The following SMC2 variants were observed in gnomAD, a reference collection of about 807,000 sequenced individuals.
SMC2 encodes structural maintenance of chromosomes 2, also known as structural maintenance of chromosomes protein 2.
SMC2 carries 41 observed loss-of-function variants against 142.6 expected under a neutral mutation model. That is an observed-to-expected ratio of 0.29 (90% CI 0.22 to 0.37). SMC2 has a LOEUF of 0.37. SMC2 is among the 10% of genes least tolerant of loss of function. SMC2 has a pLI of 1.00. For synonymous variants in SMC2, 463 were observed against 457.5 expected (o/e 1.01, Z -0.15); for missense variants, 1,265 against 1,373.7 (o/e 0.92, Z 1.25).
intron 3 of SMC2, 44 bp downstream of exon 3, chr9:104,096,341 T>C (rs371252920): frequency 5.0e-5 from 80 of 1,590,468 alleles, no homozygotes; most frequent in Middle Eastern, 3.4e-4. Context: ...ACCTTTTATG[T>C]CTGATGTGGT....
At chr9:104,129,597 G>T in intron 20 of SMC2, 48 bp from the exon 21 acceptor site, 1 of 1,403,634 alleles carries the variant, frequency 7.1e-7, no homozygotes, top group Non-Finnish European at 1.0e-6. Context: ...TATACATATT[G>T]GTTTGTAAAC....
In SMC2 at chr9:104,126,652, T is replaced by C. The variant is rs1225507746; in HGVS notation, c.2463T>C (p.Ala821=). The change falls in exon 19 of 25, where the codon GCT becomes GCC. Residue 821 remains alanine (A), a synonymous_variant. Transcript: ENST00000374793. ...KMKEKQQEVE[A]ITLELEELKR... ...TGTATTTTTTATAGGAAGTTGAAGC[T>C]ATCACTCTGGAACTGGAAGAGCTCA... 8.7e-6 allele frequency: 14 copies of C among 1,606,724 alleles called. No individual in the cohort carries two copies. The highest frequency in any genetic ancestry group is 1.2e-5 in the Non-Finnish European group (14 of 1,178,372).
At chr9:104,097,267 T>C (rs1384050877) in intron 3 of SMC2, among the ~76,000 whole-genome samples, 1 of 151,556 alleles carries the variant, frequency 6.6e-6, no homozygotes, top group Non-Finnish European at 1.5e-5. Flanking sequence ...CGGCTAATTT[T>C]TTTTTGTTTT....
At position 104,114,036 on chromosome 9, in the gene SMC2, A is replaced by G. The variant is rs751981726; in HGVS notation, c.1487A>G (p.Tyr496Cys). The change falls in exon 12 of 25, where the codon TAT becomes TGT. Residue 496 changes from tyrosine to cysteine, a missense_variant. Tyr to Cys is a radical substitution (Grantham distance 194). Around this residue, in one of 4 missense-constraint regions of SMC2, gnomAD observed 898 missense variants for 904.2 expected, o/e 0.99. Transcript: ENST00000374793. ...SRDIGRLKET[Y>C]EALLARFPNL... ...GATATTGGTAGATTGAAAGAAACAT[A>G]TGAAGCTCTATTAGCCAGATTTCCC... 18 of 1,600,680 alleles carry G rather than the reference A, an allele frequency of 1.1e-5. No individual in the cohort carries two copies. Among genetic ancestry groups the G allele is most frequent in the Admixed American group, 3.6e-5 (2 of 56,082 alleles).
At chr9:104,134,345 A>G in intron 22 of SMC2, 70 bp from the exon 23 acceptor site, 1 of 1,182,738 alleles carries the variant, frequency 8.5e-7, no homozygotes, top group East Asian at 2.4e-5. Flanking sequence ...TGTTGCATAT[A>G]CATATATCAA....
chr9:104,099,038 C>T (rs747329963), intron 4 of SMC2, among the ~76,000 whole-genome samples: 1 of 152,078 alleles, frequency 6.6e-6, no homozygotes, highest in Non-Finnish European at 1.5e-5. Context: ...ATGGGAGCAT[C>T]TCAGTGGGAC....
chr9:104,120,171 T>G lies in SMC2; in HGVS notation c.2132+9T>G. 1 of 1,571,264 alleles carries G rather than the reference T, an allele frequency of 6.4e-7. No homozygotes were observed. The highest frequency in any genetic ancestry group is 8.6e-7 in the Non-Finnish European group (1 of 1,165,950). ...AAAAACACTGCTGAAAAGTAAGAAC[T>G]GCATATACTTTTTTTAATTAAAGAT... On this transcript the variant is annotated intron_variant, in intron 16 of 24. Coordinates refer to ENST00000374793, the MANE Select transcript of SMC2 (RefSeq NM_006444.3).
intron 21 of SMC2, among the ~76,000 whole-genome samples, chr9:104,130,129 T>C (rs77875937): frequency 0.014 from 2,193 of 152,316 alleles, 52 homozygotes; most frequent in African/African-American, 0.05. Context: ...TTCACTTGCA[T>C]TGAAAAGCCT....
chr9:104,115,625 T>C, intron 13 of SMC2, among the ~76,000 whole-genome samples: 1 of 152,084 alleles, frequency 6.6e-6, no homozygotes, highest in East Asian at 1.9e-4. Context: ...GATGTTTTGA[T>C]ACATATACAT....
Position 104,113,332 on chromosome 9 carries a change from A to T in SMC2, c.1271A>T (p.Lys424Met). The T allele has an allele frequency of 6.2e-7, 1 of 1,606,328 alleles. No homozygotes were observed. Among genetic ancestry groups the T allele is most frequent in the Non-Finnish European group, 8.5e-7 (1 of 1,176,834 alleles). The change falls in exon 11 of 25, where the codon AAG (lysine) becomes ATG (methionine). Residue 424 changes from lysine (K) to methionine (M), a missense_variant. Physicochemically the swap from Lys to Met is moderately conservative, Grantham distance 95. Around this residue, in one of 4 missense-constraint regions of SMC2, gnomAD observed 898 missense variants for 904.2 expected, o/e 0.99. Transcript: ENST00000374793. ...CTGCCACAGGCTCAGATGAAGTTGA[A>T]GCATGCTCAACAGGAATTAAAGAAT... is the stretch of plus-strand genomic sequence containing the variant. The part of the protein sequence containing the change: ...TEAKQAQMKL[K>M]HAQQELKNKQ...
chr9:104,135,755 A>G (rs1835457914), intron 23 of SMC2: 1 of 488,398 alleles, frequency 2.0e-6, no homozygotes, highest in Non-Finnish European at 4.0e-6. Context: ...GTTAAACACT[A>G]TGTAAGCCAG....
chr9:104,114,435 CAT>C (rs755994712), intron 12 of SMC2, among the ~76,000 whole-genome samples: 1 of 152,104 alleles, frequency 6.6e-6, no homozygotes, highest in Non-Finnish European at 1.5e-5. Flanking sequence ...TTACAGTAAT[CAT>C]ATGTATTATA....
intron 13 of SMC2, among the ~76,000 whole-genome samples, 155 bp downstream of exon 13, chr9:104,114,984 A>G (rs1050212664): frequency 6.6e-6 from 1 of 152,236 alleles, no homozygotes; most frequent in South Asian, 2.1e-4. Flanking sequence ...TTTGATAACT[A>G]TTCCAAAGGA....
chr9:104,109,517 G>C (rs1045624817), intron 9 of SMC2, among the ~76,000 whole-genome samples: 1 of 152,178 alleles, frequency 6.6e-6, no homozygotes, highest in Admixed American at 6.5e-5. Context: ...TCTATAGTCT[G>C]TTCTTTACAG....
At chr9:104,102,243 T>A (rs1831228051) in intron 8 of SMC2, 50 bp downstream of exon 8, 1 of 1,160,398 alleles carries the variant, frequency 8.6e-7, no homozygotes, top group Non-Finnish European at 1.2e-6. Context: ...AAAAACGTAC[T>A]AAATTATATA....
chr9:104,137,087 G>T (rs1835628773), intron 23 of SMC2, among the ~76,000 whole-genome samples: 1 of 152,202 alleles, frequency 6.6e-6, no homozygotes, highest in Admixed American at 6.5e-5. Flanking sequence ...GGTAGAGGTT[G>T]CAGTGAACCG....
chr9:104,134,096 G>A (rs1835271270), intron 22 of SMC2, among the ~76,000 whole-genome samples: 1 of 152,044 alleles, frequency 6.6e-6, no homozygotes, highest in South Asian at 2.1e-4. Context: ...AGAGTTAGAG[G>A]TGTGCCTTCT....
chr9:104,134,628 A>G (rs1835343399), intron 23 of SMC2, 53 bp downstream of exon 23: 1 of 1,232,520 alleles, frequency 8.1e-7, no homozygotes, highest in Non-Finnish European at 1.1e-6. Context: ...ATTATAATTC[A>G]TCTCCTTACC....
chr9:104,131,391 T>A (rs1186931127), intron 21 of SMC2, among the ~76,000 whole-genome samples: 1 of 152,072 alleles, frequency 6.6e-6, no homozygotes, highest in African/African-American at 2.4e-5. Context: ...AAGGTCCAAT[T>A]CCCTTTATCC....
Sources: allele counts gnomAD v4.1 joint callset (sites outside exome capture counted in the v4.1 genomes callset), GRCh38; gene constraint gnomAD v4.1.1; regional missense constraint gnomAD v4.1.1; transcripts MANE v1.5; gene names NCBI Gene and HGNC (gene_info 2026-07-23, HGNC 2026-07-21).